Variants in TMPRSS11D observed in about 807,000 individuals in gnomAD.
TMPRSS11D encodes the protein transmembrane serine protease 11D.
A neutral mutation model predicts 44.4 loss-of-function variants in TMPRSS11D; 32 were observed. The ratio of observed to expected loss-of-function variants is 0.72; its 90% confidence interval spans 0.54 to 0.97. The LOEUF is 0.97. Among genes scored for constraint, TMPRSS11D ranks in the 50% least tolerant of loss-of-function variants. TMPRSS11D has a pLI of 0.00. For synonymous variants in TMPRSS11D, 179 were observed against 177.9 expected (o/e 1.01, Z -0.05); for missense variants, 446 against 502.6 (o/e 0.89, Z 1.08).
chr4:67,876,123 T>C (rs911773551), intron 1 of TMPRSS11D, among the ~76,000 whole-genome samples: 1 of 152,192 alleles, frequency 6.6e-6, no homozygotes, highest in Non-Finnish European at 1.5e-5. Context: ...CCTGTGTTTT[T>C]AATTACTACA....
At position 67,883,946 on chromosome 4, in the gene TMPRSS11D, T is replaced by A. The variant is rs753748652; in HGVS notation, c.-13A>T. ...CTTACCTATACATTTTAATCCTTAA[T>A]GAAGAGGTTCTTTTTTCTGCCTACT... is the stretch of plus-strand genomic sequence containing the variant. On this transcript the variant is annotated 5_prime_UTR_variant, in exon 1 of 10. Transcript: ENST00000283916. The A allele has an allele frequency of 6.2e-7, 1 of 1,601,924 alleles. No individual in the cohort carries two copies. The highest frequency in any genetic ancestry group is 2.3e-5 in the East Asian group (1 of 44,166).
At chr4:67,827,753 C>A (rs1310028775) in intron 7 of TMPRSS11D, among the ~76,000 whole-genome samples, 1 of 151,998 alleles carries the variant, frequency 6.6e-6, no homozygotes, top group African/African-American at 2.4e-5. Flanking sequence ...GTGGGGTGAT[C>A]TTGGTGTTTT....
In TMPRSS11D at chr4:67,821,775, GT is replaced by G. The variant is rs1158404240; in HGVS notation, c.*561del. On this transcript the variant is annotated 3_prime_UTR_variant, in exon 10 of 10. Coordinates refer to ENST00000283916, the MANE Select transcript of TMPRSS11D (RefSeq NM_004262.3). ...GTTCTTACAGAATAATTAAGGTTAG[GT>G]TATACGTATAGTACAACAGTTTCAC... 2 of 152,052 alleles carry G rather than the reference GT, an allele frequency of 1.3e-5. No individual in the cohort carries two copies. Among genetic ancestry groups the G allele is most frequent in the African/African-American group, 4.8e-5 (2 of 41,390 alleles). The allele number at this position is 152,052 out of a possible 1,614,324, so 9.4% of individuals were successfully genotyped here.
At position 67,822,389 on chromosome 4, in the gene TMPRSS11D, T is replaced by A. The variant is rs200133015; in HGVS notation, c.1205A>T (p.Tyr402Phe). The change falls in exon 10 of 10, where the codon TAT becomes TTT. Residue 402 changes from tyrosine (Y) to phenylalanine (F), a missense_variant. Tyr to Phe is a conservative substitution (Grantham distance 22, BLOSUM62 3). Coordinates refer to ENST00000283916, the MANE Select transcript of TMPRSS11D (RefSeq NM_004262.3). ...QCGLPDKPGV[Y>F]TRVTAYLDWI... ...GTCAAGGTAGGCTGTCACTCGAGTA[T>A]ACACTCCTGGCTTATCCGGCAGGCC... The A allele has an allele frequency of 6.2e-7, 1 of 1,613,850 alleles. No homozygotes were observed. The highest frequency in any genetic ancestry group is 8.5e-7 in the Non-Finnish European group (1 of 1,179,862).
At chr4:67,877,281 A>G (rs1246997221) in intron 1 of TMPRSS11D, among the ~76,000 whole-genome samples, 1 of 152,126 alleles carries the variant, frequency 6.6e-6, no homozygotes, top group African/African-American at 2.4e-5. Flanking sequence ...AGTTTCAATT[A>G]CCATCTAAGC....
At chr4:67,861,684 A>G (rs1479559505) in intron 1 of TMPRSS11D, among the ~76,000 whole-genome samples, 1 of 152,088 alleles carries the variant, frequency 6.6e-6, no homozygotes, top group Non-Finnish European at 1.5e-5. Flanking sequence ...CATTACAGCC[A>G]ATTTTGCTTT....
At chr4:67,865,263 A>G (rs1718894177) in intron 1 of TMPRSS11D, among the ~76,000 whole-genome samples, 1 of 151,838 alleles carries the variant, frequency 6.6e-6, no homozygotes, top group Non-Finnish European at 1.5e-5. Flanking sequence ...ATGCTCCTGA[A>G]TGATCTTTGG....
chr4:67,860,116 G>A (rs1050845889), intron 1 of TMPRSS11D, among the ~76,000 whole-genome samples: 1 of 152,034 alleles, frequency 6.6e-6, no homozygotes, highest in Non-Finnish European at 1.5e-5. Context: ...AAGAAGTGTC[G>A]AGGAAGATAA....
chr4:67,861,993 C>G (rs1718800271), intron 1 of TMPRSS11D, among the ~76,000 whole-genome samples: 1 of 152,094 alleles, frequency 6.6e-6, no homozygotes, highest in Non-Finnish European at 1.5e-5. Context: ...CAATGGAAAT[C>G]TGTGAAAGAA....
chr4:67,848,936 T>A (rs1259706788), intron 3 of TMPRSS11D, among the ~76,000 whole-genome samples: 1 of 152,232 alleles, frequency 6.6e-6, no homozygotes, highest in Non-Finnish European at 1.5e-5. Context: ...GAACAATCTG[T>A]CTTGCTACAT....
chr4:67,834,958 G>A (rs768659963), intron 6 of TMPRSS11D, 125 bp downstream of exon 6: 249 of 822,372 alleles, frequency 3.0e-4, no homozygotes, highest in Non-Finnish European at 4.4e-4. Context: ...AACACCACCT[G>A]AGCGAACTAA....
chr4:67,825,698 G>T, intron 9 of TMPRSS11D, 34 bp downstream of exon 9: 1 of 1,608,622 alleles, frequency 6.2e-7, no homozygotes, highest in Non-Finnish European at 8.5e-7. Context: ...ACACTTCTTG[G>T]ATGATGACAT....
intron 1 of TMPRSS11D, among the ~76,000 whole-genome samples, chr4:67,882,592 A>G (rs1719346579): frequency 6.6e-6 from 1 of 152,150 alleles, no homozygotes; most frequent in South Asian, 2.1e-4. Context: ...TGATGTTTTG[A>G]TATACACTTG....
chr4:67,851,377 C>T (rs1490917006), intron 3 of TMPRSS11D, among the ~76,000 whole-genome samples: 9 of 152,218 alleles, frequency 5.9e-5, no homozygotes, highest in African/African-American at 2.2e-4. Context: ...CAATTTCGGA[C>T]TGCACTCCTG....
intron 1 of TMPRSS11D, among the ~76,000 whole-genome samples, chr4:67,879,052 G>A (rs1322235136): frequency 6.6e-6 from 1 of 152,146 alleles, no homozygotes; most frequent in Non-Finnish European, 1.5e-5. Flanking sequence ...TGAAGTAAGA[G>A]CATTTTGTGT....
In TMPRSS11D at chr4:67,866,656, A is replaced by G. The variant is rs181949141; in HGVS notation, c.9-6978T>C. 2.4e-3 allele frequency among the ~76,000 whole-genome samples: 369 copies of G among 152,218 alleles called. 1 individual carries two copies. The highest frequency in any genetic ancestry group is 8.3e-3 in the African/African-American group (347 of 41,574). ...AGGAATGTCTCGGGATACAAAATCA[A>G]TGTACAAAAATCAGTAGCATTTTTA... On this transcript the variant is annotated intron_variant, in intron 1 of 9. Coordinates refer to ENST00000283916, the MANE Select transcript of TMPRSS11D (RefSeq NM_004262.3).
chr4:67,850,198 A>T (rs1718468123), intron 3 of TMPRSS11D, among the ~76,000 whole-genome samples: 1 of 152,206 alleles, frequency 6.6e-6, no homozygotes, highest in African/African-American at 2.4e-5. Context: ...GATAAAGGTG[A>T]CATGACAAAT....
intron 1 of TMPRSS11D, among the ~76,000 whole-genome samples, chr4:67,881,407 C>T (rs1719318506): frequency 6.6e-6 from 1 of 152,174 alleles, no homozygotes; most frequent in Non-Finnish European, 1.5e-5. Context: ...GCCCGTCCCA[C>T]ACCATCATTA....
intron 9 of TMPRSS11D, among the ~76,000 whole-genome samples, chr4:67,824,661 G>A (rs754342493): frequency 6.6e-6 from 1 of 152,070 alleles, no homozygotes; most frequent in Admixed American, 6.6e-5. Context: ...CTCATGGATT[G>A]GGGGCTTTCC....
Sources: gnomAD v4.1 joint callset for allele counts (sites outside exome capture counted in the v4.1 genomes callset) on GRCh38, gnomAD v4.1.1 for gene constraint, MANE v1.5 for transcripts, NCBI Gene and HGNC (gene_info 2026-07-23, HGNC 2026-07-21) for gene names.